Variants in DGKB observed in about 807,000 individuals in gnomAD.
The protein encoded by DGKB is diacylglycerol kinase beta.
Under a neutral mutation model 114.3 loss-of-function variants are expected in DGKB, and 67 were observed. The observed-to-expected ratio is 0.59, with a 90% CI of 0.48 to 0.72. DGKB has a LOEUF of 0.72. DGKB is among the 30% of genes least tolerant of loss of function. The pLI, the probability that DGKB is intolerant of heterozygous loss-of-function variation, is 0.00. For missense variants in DGKB, 907 were observed against 975.2 expected (o/e 0.93, Z 0.93); for synonymous variants, 398 against 323.1 (o/e 1.23, Z -2.49).
At chr7:14,384,413 T>C (rs1178609047) in intron 21 of DGKB, among the ~76,000 whole-genome samples, 1 of 152,172 alleles carries the variant, frequency 6.6e-6, no homozygotes, top group Non-Finnish European at 1.5e-5. Context: ...AGTGGCTGCT[T>C]TCACTCTATA....
intron 23 of DGKB, among the ~76,000 whole-genome samples, chr7:14,195,980 A>T (rs1341685907): frequency 6.6e-6 from 1 of 152,202 alleles, no homozygotes; most frequent in Admixed American, 6.5e-5. Context: ...AATAGGCGAC[A>T]TGTCTAAATA....
chr7:14,694,918 A>G (rs1237318041), intron 8 of DGKB, among the ~76,000 whole-genome samples: 1 of 152,196 alleles, frequency 6.6e-6, no homozygotes, highest in East Asian at 1.9e-4. Flanking sequence ...TTCCAAACAT[A>G]TTACCCTTGG....
At chr7:14,612,130 G>A (rs1345936970) in intron 16 of DGKB, among the ~76,000 whole-genome samples, 2 of 122,500 alleles carry the variant, frequency 1.6e-5, no homozygotes, top group East Asian at 7.8e-4. Flanking sequence ...ACTATATACT[G>A]ATGAAAAGAA....
intron 20 of DGKB, among the ~76,000 whole-genome samples, chr7:14,533,388 T>G (rs1031776545): frequency 6.6e-6 from 1 of 151,658 alleles, no homozygotes; most frequent in African/African-American, 2.4e-5. Flanking sequence ...TGAATAAAGC[T>G]TACAAGACTT....
chr7:14,934,714 T>C (rs1785189868), intron 1 of DGKB, among the ~76,000 whole-genome samples: 1 of 152,086 alleles, frequency 6.6e-6, no homozygotes, highest in Non-Finnish European at 1.5e-5. Context: ...CAAAGAAGGG[T>C]ATATTTAAGA....
At chr7:14,329,831 G>T (rs115978018) in intron 23 of DGKB, among the ~76,000 whole-genome samples, 1 of 151,878 alleles carries the variant, frequency 6.6e-6, no homozygotes, top group Non-Finnish European at 1.5e-5. Flanking sequence ...TCACTTGAGC[G>T]TTATATTATC....
At chr7:14,303,463 T>C (rs947699910) in intron 23 of DGKB, among the ~76,000 whole-genome samples, 1 of 152,162 alleles carries the variant, frequency 6.6e-6, no homozygotes, top group Admixed American at 6.6e-5. Flanking sequence ...CTTTTGATAC[T>C]GTATCTCTTT....
At chr7:14,352,243 G>T (rs1480074906) in intron 21 of DGKB, among the ~76,000 whole-genome samples, 2 of 152,106 alleles carry the variant, frequency 1.3e-5, no homozygotes, top group Non-Finnish European at 2.9e-5. Flanking sequence ...CAGGACTAAA[G>T]AAACTTTTTT....
chr7:14,498,738 T>A (rs911048502), intron 20 of DGKB, among the ~76,000 whole-genome samples: 1 of 151,728 alleles, frequency 6.6e-6, no homozygotes, highest in Non-Finnish European at 1.5e-5. Context: ...AATTTGTATT[T>A]TGCAATGAGT....
In DGKB at chr7:14,149,225, T is replaced by G. The variant is rs1425338174; in HGVS notation, c.2318A>C (p.His773Pro). The change falls in exon 26 of 26, where the codon CAC (histidine) becomes CCC (proline). Residue 773 changes from histidine to proline, a missense_variant. Physicochemically the swap from His to Pro is moderately conservative, Grantham distance 77. This residue lies in a region of DGKB where 58 missense variants were observed against 52.5 expected (regional missense o/e 1.10). Coordinates refer to ENST00000402815, the MANE Select transcript of DGKB (RefSeq NM_001350709.2). ...MQTPCTIKITHKNQAPMLMGP... is the reference protein window; with the variant it reads ...MQTPCTIKITPKNQAPMLMGP... Reference sequence around the variant, plus strand: ...CATCAGCATTGGGGCTTGGTTCTTGTGTGTAATTTTTATCTAGAAAAAAAG... The same window carrying G: ...CATCAGCATTGGGGCTTGGTTCTTGGGTGTAATTTTTATCTAGAAAAAAAG... 3 of 1,612,598 alleles carry G rather than the reference T, an allele frequency of 1.9e-6. No individual in the cohort carries two copies. Among genetic ancestry groups the G allele is most frequent in the Admixed American group, 1.7e-5 (1 of 59,854 alleles).
intron 2 of DGKB, among the ~76,000 whole-genome samples, chr7:14,829,948 G>C (rs1190106832): frequency 6.6e-6 from 1 of 152,038 alleles, no homozygotes; most frequent in Admixed American, 6.6e-5. Flanking sequence ...GGAGGGAGAA[G>C]GCACTGGATA....
intron 2 of DGKB, among the ~76,000 whole-genome samples, chr7:14,797,046 T>C: frequency 6.6e-6 from 1 of 152,240 alleles, no homozygotes. Context: ...AAATGGTTGG[T>C]ATCATTGCTT....
chr7:14,189,366 C>T (rs1415122143), intron 23 of DGKB, among the ~76,000 whole-genome samples: 2 of 152,144 alleles, frequency 1.3e-5, no homozygotes, highest in Non-Finnish European at 2.9e-5. Context: ...CTACAAGACT[C>T]TTTATGTTAG....
intron 21 of DGKB, among the ~76,000 whole-genome samples, chr7:14,407,117 G>A (rs7790621): frequency 0.74 from 113,131 of 151,904 alleles, 42,723 homozygotes; most frequent in Non-Finnish European, 0.81. Context: ...CAGAAAGTGA[G>A]GGCAATGAGG....
intron 1 of DGKB, among the ~76,000 whole-genome samples, chr7:14,891,448 T>C (rs2128225837): frequency 6.6e-6 from 1 of 151,414 alleles, no homozygotes; most frequent in African/African-American, 2.4e-5. Flanking sequence ...AGAGACACAA[T>C]AGGAGTGCAA....
Position 14,621,469 on chromosome 7 carries a change from T to C in DGKB, c.1193A>G (p.Glu398Gly). ...GTTTGGCTGCTGGGAACCACTCTTT[T>C]CCTTTTTCACTGTTGATTGTCTTTC... ...PEERQSTVKKEKSGSQQPNKV... is the reference protein window; with the variant it reads ...PEERQSTVKKGKSGSQQPNKV... Residue 398 changes from glutamate to glycine, a missense_variant, in exon 15 of 26, where the codon GAA becomes GGA. This residue lies in a region of DGKB where 814 missense variants were observed against 856.6 expected (regional missense o/e 0.95). Transcript: ENST00000402815. The C allele has an allele frequency of 6.2e-7, 1 of 1,608,450 alleles. No individual in the cohort carries two copies. The highest frequency in any genetic ancestry group is 8.5e-7 in the Non-Finnish European group (1 of 1,177,158).
intron 1 of DGKB, among the ~76,000 whole-genome samples, chr7:14,857,192 ATC>A (rs1041769831): frequency 1.6e-5 from 2 of 129,024 alleles, no homozygotes; most frequent in Non-Finnish European, 3.1e-5. Flanking sequence ...AGCAAGGAAG[ATC>A]TCTCTCTCTC....
intron 23 of DGKB, among the ~76,000 whole-genome samples, chr7:14,303,601 G>T (rs79393756): frequency 0.026 from 3,932 of 151,822 alleles, 108 homozygotes; most frequent in East Asian, 0.073. Context: ...TCTTGATCTA[G>T]TTGCACTGTG....
intron 23 of DGKB, among the ~76,000 whole-genome samples, chr7:14,332,052 A>T (rs1368826101): frequency 6.6e-6 from 1 of 152,226 alleles, no homozygotes; most frequent in Non-Finnish European, 1.5e-5. Flanking sequence ...CAATGTTTAC[A>T]GTAAAGTATT....
Sources: gnomAD v4.1 joint callset for allele counts (sites outside exome capture counted in the v4.1 genomes callset) on GRCh38, gnomAD v4.1.1 for gene constraint, gnomAD v4.1.1 regional missense constraint, MANE v1.5 for transcripts, NCBI Gene and HGNC (gene_info 2026-07-23, HGNC 2026-07-21) for gene names.